Variants in MYO5B observed in about 807,000 individuals in gnomAD.
MYO5B encodes myosin VB.
A neutral mutation model predicts 229.3 loss-of-function variants in MYO5B; 143 were observed. That is an observed-to-expected ratio of 0.62 (90% CI 0.54 to 0.72). The LOEUF is 0.72. Ranked by LOEUF, MYO5B falls within the 30% of genes least tolerant of loss-of-function variation. The pLI is 0.00. For missense variants in MYO5B, 2,321 were observed against 2,331.0 expected (o/e 1.00, Z 0.09); for synonymous variants, 918 against 885.2 (o/e 1.04, Z -0.66).
intron 4 of MYO5B, among the ~76,000 whole-genome samples, chr18:50,020,480 G>A (rs1408110785): frequency 6.6e-6 from 1 of 152,122 alleles, no homozygotes; most frequent in Non-Finnish European, 1.5e-5. Flanking sequence ...CCTGAATGTC[G>A]GGACTCCAAT....
intron 1 of MYO5B, among the ~76,000 whole-genome samples, chr18:50,155,409 A>T (rs993785103): frequency 6.6e-6 from 1 of 152,242 alleles, no homozygotes; most frequent in African/African-American, 2.4e-5. Context: ...GTATTTAACC[A>T]GGTACTTATC....
intron 7 of MYO5B, among the ~76,000 whole-genome samples, chr18:49,988,951 C>G (rs2025899897): frequency 6.6e-6 from 1 of 152,178 alleles, no homozygotes. Flanking sequence ...CAGGACATAA[C>G]TAACAATGGA....
chr18:49,859,940 C>G (rs1277629285), intron 29 of MYO5B, among the ~76,000 whole-genome samples: 2 of 152,198 alleles, frequency 1.3e-5, no homozygotes, highest in Non-Finnish European at 2.9e-5. Flanking sequence ...CCTTGTCAAA[C>G]ACAGTCTCCG....
chr18:49,831,357 G>A (rs2023918992), intron 39 of MYO5B, among the ~76,000 whole-genome samples: 1 of 152,034 alleles, frequency 6.6e-6, no homozygotes, highest in Non-Finnish European at 1.5e-5. Context: ...GAAAATACTT[G>A]CAAATCATAT....
intron 17 of MYO5B, among the ~76,000 whole-genome samples, chr18:49,926,997 G>T (rs922835028): frequency 2.4e-4 from 36 of 152,092 alleles, no homozygotes; most frequent in African/African-American, 8.5e-4. Context: ...AAAGGTGGCT[G>T]CTAGGGACTG....
chr18:49,937,306 C>A lies in MYO5B; in HGVS notation c.1844G>T (p.Arg615Leu), dbSNP rs775514214. The A allele has an allele frequency of 6.2e-7, 1 of 1,613,990 alleles. No individual in the cohort carries two copies. Among genetic ancestry groups the A allele is most frequent in the African/African-American group, 1.3e-5 (1 of 74,874 alleles). ...GACTTTCATGGGGGGTCTGGCAGAA[C>A]GGACGCTGATCTTCGAAGATGACCC... ...GKGSSSKISVRSARPPMKVSN... is the reference protein window; with the variant it reads ...GKGSSSKISVLSARPPMKVSN... Residue 615 changes from arginine to leucine, a missense_variant, in exon 15 of 40, where the codon CGT becomes CTT. By Grantham distance (102) the Arg-to-Leu change is moderately radical. Coordinates refer to ENST00000285039, the MANE Select transcript of MYO5B (RefSeq NM_001080467.3).
At chr18:50,080,575 A>G (rs16951469) in intron 1 of MYO5B, among the ~76,000 whole-genome samples, 8,411 of 152,314 alleles carry the variant, frequency 0.055, 286 homozygotes, top group African/African-American at 0.097. Context: ...CTTGTAGGCC[A>G]TCCACAGTCA....
chr18:50,061,290 T>A (rs1022700914), intron 1 of MYO5B, among the ~76,000 whole-genome samples: 1 of 152,198 alleles, frequency 6.6e-6, no homozygotes, highest in African/African-American at 2.4e-5. Flanking sequence ...AAGTTCTACC[T>A]ACCTCGTGAA....
chr18:49,849,356 C>A (rs1334435293), intron 32 of MYO5B, among the ~76,000 whole-genome samples: 4 of 152,192 alleles, frequency 2.6e-5, no homozygotes, highest in African/African-American at 9.6e-5. Context: ...CCCAAACTGG[C>A]TGAATTCAAG....
chr18:49,848,852 G>C (rs1333356281), intron 32 of MYO5B, among the ~76,000 whole-genome samples: 1 of 152,138 alleles, frequency 6.6e-6, no homozygotes, highest in African/African-American at 2.4e-5. Context: ...TGCCCTCTAA[G>C]ACCTTCCAGT....
At chr18:50,009,061 A>G (rs1428197505) in intron 4 of MYO5B, among the ~76,000 whole-genome samples, 1 of 152,234 alleles carries the variant, frequency 6.6e-6, no homozygotes. Context: ...GAATCTTGGA[A>G]ACAATGGTGA....
intron 5 of MYO5B, among the ~76,000 whole-genome samples, chr18:49,996,971 C>T (rs1022358099): frequency 2.0e-5 from 3 of 152,152 alleles, no homozygotes; most frequent in African/African-American, 7.2e-5. Flanking sequence ...TGGCTTTCTT[C>T]TTTGCCCTAA....
intron 1 of MYO5B, among the ~76,000 whole-genome samples, chr18:50,150,682 G>A (rs1287788925): frequency 6.6e-6 from 1 of 152,216 alleles, no homozygotes. Flanking sequence ...GGGGACTGTT[G>A]TGGGATTGGG....
At chr18:50,074,565 T>C (rs2031034701) in intron 1 of MYO5B, among the ~76,000 whole-genome samples, 1 of 152,234 alleles carries the variant, frequency 6.6e-6, no homozygotes, top group Non-Finnish European at 1.5e-5. Context: ...TTTTCTTTTC[T>C]TGGGCCTTTG....
At chr18:50,165,594 G>T (rs1331595459) in intron 1 of MYO5B, among the ~76,000 whole-genome samples, 1 of 152,192 alleles carries the variant, frequency 6.6e-6, no homozygotes, top group Non-Finnish European at 1.5e-5. Context: ...TGGCCAATAT[G>T]ATGAAACCCC....
intron 1 of MYO5B, among the ~76,000 whole-genome samples, chr18:50,175,337 T>C (rs1367912044): frequency 1.3e-5 from 2 of 152,226 alleles, no homozygotes; most frequent in African/African-American, 4.8e-5. Flanking sequence ...ACCCACAAGC[T>C]GCTTTATCCT....
intron 23 of MYO5B, among the ~76,000 whole-genome samples, chr18:49,879,727 C>G (rs1416509573): frequency 6.6e-6 from 1 of 152,148 alleles, no homozygotes; most frequent in Non-Finnish European, 1.5e-5. Context: ...TGAGTTGAAG[C>G]AGAAACTGGG....
intron 14 of MYO5B, among the ~76,000 whole-genome samples, chr18:49,947,640 C>T (rs557896676): frequency 2.0e-5 from 3 of 152,236 alleles, no homozygotes; most frequent in East Asian, 3.9e-4. Context: ...AGTAAGAGAG[C>T]TGCCACAATT....
intron 33 of MYO5B, among the ~76,000 whole-genome samples, chr18:49,844,868 T>G (rs1286078267): frequency 1.3e-5 from 2 of 152,250 alleles, no homozygotes; most frequent in Non-Finnish European, 2.9e-5. Flanking sequence ...TGTTAGCATC[T>G]TGGGGAAGAG....
Sources: allele counts gnomAD v4.1 joint callset (sites outside exome capture counted in the v4.1 genomes callset), GRCh38; gene constraint gnomAD v4.1.1; transcripts MANE v1.5; gene names NCBI Gene and HGNC (gene_info 2026-07-23, HGNC 2026-07-21).